KIAA1210: variants seen among roughly 807,000 people sequenced by gnomAD.
KIAA1210 encodes acrosomal protein KIAA1210.
Under a neutral mutation model 78.9 loss-of-function variants are expected in KIAA1210, and 48 were observed. The ratio of observed to expected loss-of-function variants is 0.61; its 90% CI spans 0.48 to 0.77. The LOEUF (loss-of-function observed/expected upper bound fraction) is 0.77, where lower values mean the gene tolerates loss of function less well. KIAA1210 is among the 30% of genes least tolerant of loss of function. The pLI, the probability that KIAA1210 is intolerant of heterozygous loss-of-function variation, is 0.00. For synonymous variants in KIAA1210, 406 were observed against 404.5 expected, an observed-to-expected ratio of 1.00 and a Z score of -0.04; for missense variants, 1,108 against 1,100.0, an observed-to-expected ratio of 1.01 and a Z score of -0.10.
chrX:119,127,713 TTATC>T lies in KIAA1210; in HGVS notation c.-11+10_-11+13del, dbSNP rs1180843506. Among the ~76,000 whole-genome samples the T allele has an allele frequency of 9.0e-6, 1 of 111,326 alleles. No homozygotes were observed. Among genetic ancestry groups the T allele is most frequent in the African/African-American group, 3.3e-5 (1 of 30,575 alleles). ...CTTTAAAGTAAAATTCTTTAAAGAG[TTATC>T]TATACTTACTGCCTTTATGTCCTCA... On this transcript the variant is annotated intron_variant, in intron 1 of 11. Transcript: ENST00000691062.
intron 2 of KIAA1210, among the ~76,000 whole-genome samples, chrX:119,143,255 T>C (rs1375989396): frequency 2.7e-5 from 3 of 112,390 alleles, no homozygotes; most frequent in Non-Finnish European, 5.6e-5. Context: ...GTTACCTGCA[T>C]TGGGGGCTGG....
chrX:119,131,610 T>C (rs1354378465), upstream of KIAA1210, among the ~76,000 whole-genome samples: 1 of 112,452 alleles, frequency 8.9e-6, no homozygotes, highest in Non-Finnish European at 1.9e-5. Flanking sequence ...AAGGAGGATT[T>C]AGAGATCAGA....
intron 2 of KIAA1210, among the ~76,000 whole-genome samples, chrX:119,122,061 A>ATTTTTTTTTT (rs781688572): frequency 5.3e-5 from 3 of 56,485 alleles, no homozygotes; most frequent in East Asian, 5.9e-4. Flanking sequence ...CGCGCCCGGC[A>ATTTTTTTTTT]TTTTTTTTTT....
At chrX:119,103,417 T>C (rs753472173) in intron 6 of KIAA1210, among the ~76,000 whole-genome samples, 1 of 112,119 alleles carries the variant, frequency 8.9e-6, no homozygotes, top group East Asian at 2.8e-4. Flanking sequence ...AGCATGACTA[T>C]AATTTTTTTA....
intron 2 of KIAA1210, among the ~76,000 whole-genome samples, chrX:119,139,936 G>A (rs772264530): frequency 1.8e-5 from 2 of 111,918 alleles, no homozygotes; most frequent in East Asian, 5.6e-4. Flanking sequence ...TGGGGCACAT[G>A]GAGTCCTTTC....
chrX:119,083,486 T>C (rs1927031290), intron 10 of KIAA1210, among the ~76,000 whole-genome samples: 1 of 112,211 alleles, frequency 8.9e-6, no homozygotes, highest in African/African-American at 3.2e-5. Context: ...AACATGGTAG[T>C]TGCAAACAAA....
chrX:119,140,015 A>G (rs1226542878), intron 2 of KIAA1210, among the ~76,000 whole-genome samples: 2 of 111,532 alleles, frequency 1.8e-5, no homozygotes, highest in African/African-American at 6.5e-5. Flanking sequence ...GGTTATTTTT[A>G]GCTCAGGCAT....
Position 119,093,767 on chromosome X carries a change from T to C in KIAA1210, c.855A>G (p.Pro285=). 1 of 1,199,016 alleles carries C rather than the reference T, an allele frequency of 8.3e-7. No individual in the cohort carries two copies. The highest frequency in any genetic ancestry group is 3.0e-5 in the East Asian group (1 of 33,825). The part of the protein sequence containing the change: ...QKKNLQVIVE[P]KEEEPNLPLV... ...ATGGAAGGTTTGGCTCCTCCTCCTT[T>C]GGTTCCACCTGAAACAGGAAAAGAA... The change falls in exon 8 of 12, where the codon CCA becomes CCG. Residue 285 remains proline, a synonymous_variant. Coordinates refer to ENST00000691062, the MANE Select transcript of KIAA1210 (RefSeq NM_001394962.1).
chrX:119,132,943 C>G (rs1213126588), intron 2 of KIAA1210, among the ~76,000 whole-genome samples: 3 of 111,799 alleles, frequency 2.7e-5, no homozygotes, highest in African/African-American at 9.8e-5. Flanking sequence ...GCCTTTCAAA[C>G]TATTGCTGTA....
chrX:119,111,418 T>C (rs1162202395), intron 3 of KIAA1210, among the ~76,000 whole-genome samples: 1 of 111,916 alleles, frequency 8.9e-6, no homozygotes, highest in East Asian at 2.8e-4. Context: ...TGGAATACTA[T>C]GCAGCCATAA....
upstream of KIAA1210, among the ~76,000 whole-genome samples, chrX:119,130,988 G>C (rs141621475): frequency 9.5e-3 from 1,054 of 111,503 alleles, 16 homozygotes; most frequent in African/African-American, 0.033. Context: ...GGGGAAAAAA[G>C]GGGAAAAGGC....
intron 2 of KIAA1210, among the ~76,000 whole-genome samples, chrX:119,122,762 C>T (rs1487026946): frequency 8.9e-6 from 1 of 111,786 alleles, no homozygotes; most frequent in Non-Finnish European, 1.9e-5. Flanking sequence ...AGTGATAACA[C>T]AGAGATGAAG....
chrX:119,089,880 A>T (rs6646331), intron 8 of KIAA1210, 134 bp from the exon 9 acceptor site: 67,571 of 538,528 alleles, frequency 0.13, 6,044 homozygotes, highest in East Asian at 0.47. Flanking sequence ...TATTTGGAAG[A>T]CAGAGGGCAA....
intron 3 of KIAA1210, among the ~76,000 whole-genome samples, chrX:119,114,380 G>A (rs1928185701): frequency 8.9e-6 from 1 of 112,071 alleles, no homozygotes; most frequent in African/African-American, 3.2e-5. Flanking sequence ...CCCTGGTGTT[G>A]GAAGCAACGT....
chrX:119,102,511 T>C (rs2147179935), intron 6 of KIAA1210, among the ~76,000 whole-genome samples: 1 of 109,607 alleles, frequency 9.1e-6, no homozygotes, highest in South Asian at 4.1e-4. Context: ...CCCGAGTATC[T>C]GGGACTACAG....
intron 2 of KIAA1210, among the ~76,000 whole-genome samples, chrX:119,145,033 C>T (rs901713724): frequency 8.9e-6 from 1 of 111,790 alleles, no homozygotes; most frequent in Non-Finnish European, 1.9e-5. Flanking sequence ...AAATTAAATA[C>T]TCAGTTCTTC....
At position 119,116,465 on chromosome X, in the gene KIAA1210, C is replaced by T. The variant is rs375067662; in HGVS notation, c.230+31G>A. On this transcript the variant is annotated intron_variant, in intron 3 of 11. Transcript: ENST00000691062. ...TCCAACTGCCTGCCTCTTCCCCTGT[C>T]CCCATCACTCTCCACCGCATCTGAG... is the stretch of plus-strand genomic sequence containing the variant. 6.0e-5 allele frequency: 72 copies of T among 1,197,019 alleles called. No individual in the cohort carries two copies. The African/African-American group carries it at 1.1e-3, about 19-fold the overall frequency.
chrX:119,147,421 G>A lies in KIAA1210; in HGVS notation c.410+52C>T. On this transcript the variant is annotated intron_variant, in intron 2 of 13. Transcript: ENST00000402510. Reference sequence around the variant, plus strand: ...GCAGGCTGACACATAATTTACAATAGTAATTCCCTGGTCAGGTGTCAAGTA... The same window carrying A: ...GCAGGCTGACACATAATTTACAATAATAATTCCCTGGTCAGGTGTCAAGTA... The A allele has an allele frequency of 3.3e-6, 4 of 1,197,225 alleles. No individual in the cohort carries two copies. The South Asian group carries it at 5.4e-5, about 16-fold the overall frequency.
intron 5 of KIAA1210, among the ~76,000 whole-genome samples, chrX:119,107,776 C>A (rs1262696940): frequency 1.8e-5 from 2 of 111,943 alleles, no homozygotes; most frequent in African/African-American, 3.2e-5. Flanking sequence ...CCCACTTACA[C>A]AGGGACCTTT....
Sources: gnomAD v4.1 joint callset for allele counts (sites outside exome capture counted in the v4.1 genomes callset) on GRCh38, gnomAD v4.1.1 for gene constraint, MANE v1.5 for transcripts, NCBI Gene and HGNC (gene_info 2026-07-23, HGNC 2026-07-21) for gene names.